The following DHODH variants were observed in gnomAD, a reference collection of about 807,000 sequenced individuals.
DHODH encodes the protein dihydroorotate dehydrogenase (quinone).
Under a neutral mutation model 39.7 loss-of-function variants are expected in DHODH, and 30 were observed. The observed-to-expected ratio is 0.76, with a 90% CI of 0.57 to 1.02. DHODH has a LOEUF of 1.02. DHODH is among the 50% of genes least tolerant of loss of function. The pLI is 0.00. For synonymous variants in DHODH, 222 were observed against 213.8 expected (o/e 1.04, Z -0.34); for missense variants, 531 against 520.8 (o/e 1.02, Z -0.19).
intron 2 of DHODH, among the ~76,000 whole-genome samples, chr16:72,012,868 G>C (rs2041099708): frequency 6.6e-6 from 1 of 152,204 alleles, no homozygotes; most frequent in Non-Finnish European, 1.5e-5. Flanking sequence ...CAGAAGTGTA[G>C]ATACAGCCTC....
In DHODH at chr16:72,008,914, G is replaced by A. The variant is rs912556638; in HGVS notation, c.21+129G>A. The A allele has an allele frequency of 7.8e-6, 12 of 1,537,126 alleles. No individual in the cohort carries two copies. The Admixed American group carries it at 1.2e-4, about 15-fold the overall frequency. ...GTGTGGGCCCCCCTGGGACGTGTGC[G>A]TGTTTCCGGGGTCTCCTGCAAATGC... is the stretch of plus-strand genomic sequence containing the variant. On this transcript the variant is annotated intron_variant, in intron 1 of 8. Coordinates refer to ENST00000219240, the MANE Select transcript of DHODH (RefSeq NM_001361.5).
chr16:72,023,426 G>T (rs2041244190), intron 7 of DHODH, 48 bp from the exon 8 acceptor site: 1 of 1,614,096 alleles, frequency 6.2e-7, no homozygotes, highest in East Asian at 2.2e-5. Context: ...GGACTCTGGG[G>T]CTGAAGCCAC....
At chr16:72,024,004 A>C (rs1273551114) in intron 8 of DHODH, 141 bp from the exon 9 acceptor site, 5 of 889,850 alleles carry the variant, frequency 5.6e-6, no homozygotes. Flanking sequence ...AAATATCCCT[A>C]GGTCTCTGGG....
chr16:72,010,240 T>C (rs1597392665), intron 1 of DHODH, among the ~76,000 whole-genome samples: 1 of 152,304 alleles, frequency 6.6e-6, no homozygotes, highest in East Asian at 1.9e-4. Flanking sequence ...CCTTTTTCAT[T>C]CTCTTCTGCT....
At position 72,008,745 on chromosome 16, in the gene DHODH, G is replaced by C; in HGVS notation, c.-20G>C. ...CTCCAATGGAAGGGAGACAGGGGCGGGCTTAATGACGGAAGGAGCATGGCG... is the reference window on the plus strand; with the variant it reads ...CTCCAATGGAAGGGAGACAGGGGCGCGCTTAATGACGGAAGGAGCATGGCG... On this transcript the variant is annotated 5_prime_UTR_variant, in exon 1 of 9. Coordinates refer to ENST00000219240, the MANE Select transcript of DHODH (RefSeq NM_001361.5). 1 of 1,551,632 alleles carries C rather than the reference G, an allele frequency of 6.4e-7. No individual in the cohort carries two copies. The highest frequency in any genetic ancestry group is 8.7e-7 in the Non-Finnish European group (1 of 1,146,980).
intron 4 of DHODH, 149 bp downstream of exon 4, chr16:72,017,255 C>G: frequency 1.2e-6 from 1 of 818,124 alleles, no homozygotes; most frequent in Non-Finnish European, 2.0e-6. Context: ...AGCGATTTTC[C>G]TGGTCCCACA....
chr16:72,008,858 G>A lies in DHODH; in HGVS notation c.21+73G>A, dbSNP rs1297484517. On this transcript the variant is annotated intron_variant, in intron 1 of 8. Coordinates refer to ENST00000219240, the MANE Select transcript of DHODH (RefSeq NM_001361.5). ...AGGGCGAGAACGGAGAGTCAGGCCG[G>A]GCGAGGCATGGACCGAAGGCGGCTC... 7.7e-6 allele frequency: 12 copies of A among 1,551,224 alleles called. No homozygotes were observed. The East Asian group carries it at 2.0e-4, about 25-fold the overall frequency.
Position 72,023,560 on chromosome 16 carries a change from C to G in DHODH, c.1060C>G (p.Leu354Val), listed in dbSNP as rs202101942. 11 of 1,614,120 alleles carry G rather than the reference C, an allele frequency of 6.8e-6. 1 individual carries two copies. The African/African-American group carries it at 1.1e-4, about 16-fold the overall frequency. Residue 354 changes from leucine to valine, a missense_variant, in exon 8 of 9, where the codon CTG becomes GTG. By Grantham distance (32) the Leu-to-Val change is conservative. Coordinates refer to ENST00000219240, the MANE Select transcript of DHODH (RefSeq NM_001361.5). ...CCGGGCAGGGGCCTCCCTGGTGCAG[C>G]TGTACACGGCCCTCACCTTCTGGGG... is the stretch of plus-strand genomic sequence containing the variant. Reference protein sequence around the residue: ...KIRAGASLVQLYTALTFWGPP... With the variant: ...KIRAGASLVQVYTALTFWGPP...
chr16:72,023,275 T>C lies in DHODH; in HGVS notation c.930T>C (p.Asp310=). The C allele has an allele frequency of 6.2e-7, 1 of 1,614,178 alleles. No homozygotes were observed. Among genetic ancestry groups the C allele is most frequent in the Non-Finnish European group, 8.5e-7 (1 of 1,180,038 alleles). The change falls in exon 7 of 9, where the codon GAT becomes GAC. Residue 310 remains aspartate, a synonymous_variant. Transcript: ENST00000219240. ...TGGLSGKPLR[D]LSTQTIREMY... is the part of the protein sequence containing the mutation. ...GGCTGAGTGGGAAGCCCCTCCGGGATTTATCAACTCAAACCATTCGGGAGA... is the reference window on the plus strand; with the variant it reads ...GGCTGAGTGGGAAGCCCCTCCGGGACTTATCAACTCAAACCATTCGGGAGA...
intron 3 of DHODH, chr16:72,015,990 A>C (rs2143979940): frequency 1.8e-6 from 1 of 553,752 alleles, no homozygotes; most frequent in Non-Finnish European, 2.3e-6. Flanking sequence ...ATTTGATATT[A>C]TTTTCTTCTC....
intron 2 of DHODH, among the ~76,000 whole-genome samples, chr16:72,014,082 T>C (rs561115087): frequency 6.6e-6 from 1 of 152,242 alleles, no homozygotes; most frequent in African/African-American, 2.4e-5. Context: ...GGAAGCACTA[T>C]CTAGGGCCTG....
intron 6 of DHODH, 67 bp from the exon 7 acceptor site, chr16:72,023,098 T>A: frequency 6.3e-7 from 1 of 1,581,206 alleles, no homozygotes; most frequent in Non-Finnish European, 8.7e-7. Context: ...GCCTTCGACC[T>A]CCAGAGAAGC....
rs757698781 is a variant in DHODH at position 72,026,280 on chromosome 16, G to A, written c.*2081G>A. On this transcript the variant is annotated 3_prime_UTR_variant, in exon 9 of 9. Transcript: ENST00000219240. ...ATGCTACAGGCATCTACCTTGCTCTGTCCCACCTAATAGCTTCAGGACTGA... is the reference window on the plus strand; with the variant it reads ...ATGCTACAGGCATCTACCTTGCTCTATCCCACCTAATAGCTTCAGGACTGA... 1 of 152,304 alleles carries A rather than the reference G, an allele frequency of 6.6e-6. No individual in the cohort carries two copies. Among genetic ancestry groups the A allele is most frequent in the African/African-American group, 2.4e-5 (1 of 41,428 alleles). The allele number at this position is 152,304 out of a possible 1,614,324, so 9.4% of individuals were successfully genotyped here.
intron 3 of DHODH, among the ~76,000 whole-genome samples, chr16:72,015,132 AATTTAT>A (rs2041128296): frequency 1.3e-5 from 2 of 152,262 alleles, no homozygotes; most frequent in African/African-American, 4.8e-5. Flanking sequence ...TTAAAATTAT[AATTTAT>A]ATTTAATGTT....
chr16:72,012,635 G>A lies in DHODH; in HGVS notation c.234+373G>A, dbSNP rs115630064. On this transcript the variant is annotated intron_variant, in intron 2 of 8. Transcript: ENST00000219240. ...CCACAGAGTCTGACGCTGGCTTCCC[G>A]CCCCTTGGCCACTGTCCTGCCTTGC... 1.8e-3 allele frequency among the ~76,000 whole-genome samples: 274 copies of A among 152,314 alleles called. 1 individual carries two copies. The highest frequency in any genetic ancestry group is 5.9e-3 in the African/African-American group (247 of 41,566).
intron 5 of DHODH, among the ~76,000 whole-genome samples, chr16:72,021,870 G>A (rs1462214802): frequency 6.6e-6 from 1 of 152,094 alleles, no homozygotes; most frequent in African/African-American, 2.4e-5. Context: ...GCCGAGGCAG[G>A]CAGATCACTT....
intron 3 of DHODH, chr16:72,015,977 C>T (rs2041137497): frequency 3.0e-6 from 2 of 656,600 alleles, no homozygotes; most frequent in South Asian, 6.8e-5. Flanking sequence ...AAACAACAGG[C>T]ACATTTGATA....
chr16:72,021,384 C>T (rs1338190067), intron 5 of DHODH, 73 bp downstream of exon 5: 5 of 1,485,700 alleles, frequency 3.4e-6, no homozygotes, highest in South Asian at 2.4e-5. Flanking sequence ...TTCTCCAGGG[C>T]GAACCTTCAG....
In DHODH at chr16:72,024,220, C is replaced by T; in HGVS notation, c.*21C>T. ...GGTGAGGACAGCGTCTGACGGGAAG[C>T]CTGATCTGGAACCTTCCCAAGGACT... On this transcript the variant is annotated 3_prime_UTR_variant, in exon 9 of 9. Transcript: ENST00000219240. The T allele has an allele frequency of 6.2e-7, 1 of 1,613,760 alleles. No individual in the cohort carries two copies. Among genetic ancestry groups the T allele is most frequent in the Non-Finnish European group, 8.5e-7 (1 of 1,179,742 alleles).
Sources: allele counts gnomAD v4.1 joint callset (sites outside exome capture counted in the v4.1 genomes callset), GRCh38; gene constraint gnomAD v4.1.1; transcripts MANE v1.5; gene names NCBI Gene and HGNC (gene_info 2026-07-23, HGNC 2026-07-21).